The following NPHP4 variants were observed in gnomAD, a reference collection of about 807,000 sequenced individuals.
NPHP4 encodes nephrocystin-4.
A neutral mutation model predicts 155.8 loss-of-function variants in NPHP4; 151 were observed. That is an observed-to-expected ratio of 0.97 (90% CI 0.85 to 1.11). NPHP4 has a LOEUF of 1.11. Ranked by LOEUF, NPHP4 falls within the 50% of genes least tolerant of loss-of-function variation. The pLI, the probability that NPHP4 is intolerant of heterozygous loss-of-function variation, is 0.00. For synonymous variants in NPHP4, 845 were observed against 816.8 expected, an observed-to-expected ratio of 1.03 and a Z score of -0.59; for missense variants, 1,956 against 1,925.7, an observed-to-expected ratio of 1.02 and a Z score of -0.29.
chr1:5,920,533 G>A (rs182436938), intron 11 of NPHP4, among the ~76,000 whole-genome samples: 1 of 152,140 alleles, frequency 6.6e-6, no homozygotes, highest in Non-Finnish European at 1.5e-5. Context: ...CACAATGGCA[G>A]TGGCATGGGG....
rs201605415 is a variant in NPHP4, at chr1:5,867,767, G to A, written c.3445C>T (p.Arg1149Cys). ...PELSFLKKAI[R>C]LPPWHTFPGA... ...GGAAATGTGTGCCAGGGCGGCAGGC[G>A]GATGGCCTTCTTCAGGAAGGAGAGC... is the stretch of plus-strand genomic sequence containing the variant. Residue 1149 changes from arginine to cysteine, a missense_variant, in exon 24 of 30, where the codon CGC becomes TGC. Coordinates refer to ENST00000378156, the MANE Select transcript of NPHP4 (RefSeq NM_015102.5). The surrounding 1 kb of genome is among the most constrained non-coding windows in gnomAD (Gnocchi z 4.1). The A allele has an allele frequency of 5.2e-5, 84 of 1,611,416 alleles. No individual in the cohort carries two copies. The highest frequency in any genetic ancestry group is 9.9e-5 in the South Asian group (9 of 91,086).
In NPHP4 at chr1:5,864,474, T is replaced by C. The variant is rs1485138465; in HGVS notation, c.3860A>G (p.Gln1287Arg). 6.2e-7 allele frequency: 1 copy of C among 1,601,014 alleles called. No individual in the cohort carries two copies. The highest frequency in any genetic ancestry group is 8.5e-7 in the Non-Finnish European group (1 of 1,173,582). ...GVFVLPPRGV[Q>R]DLHVGVRPLR... ...GGGCCTCACGCCAACATGCAGGTCC[T>C]GCACCCCACGAGGCGGCAGCACGAA... is the stretch of plus-strand genomic sequence containing the variant. Residue 1287 changes from glutamine (Q) to arginine (R), a missense_variant, in exon 28 of 30, where the codon CAG becomes CGG. Gln to Arg is a conservative substitution (Grantham distance 43, BLOSUM62 1). Transcript: ENST00000378156.
intron 9 of NPHP4, among the ~76,000 whole-genome samples, chr1:5,941,288 A>AC (rs1178982765): frequency 7.4e-6 from 1 of 135,824 alleles, no homozygotes; most frequent in Non-Finnish European, 1.6e-5. Context: ...AGAGATCTAG[A>AC]CAAAAAAAAA....
rs375727862 is a variant in NPHP4, at chr1:5,889,886, C to G, written c.2304+982G>C. 2.4e-4 allele frequency among the ~76,000 whole-genome samples: 37 copies of G among 152,350 alleles called. No individual in the cohort carries two copies. In the East Asian group the frequency reaches 7.1e-3, roughly 29 times the overall value. ...AACGTTCTGTGCACAGCCCACCACC[C>G]TGGGGGGCATCCCCCTCCTCTAGAA... is the stretch of plus-strand genomic sequence containing the variant. On this transcript the variant is annotated intron_variant, in intron 17 of 29. Coordinates refer to ENST00000378156, the MANE Select transcript of NPHP4 (RefSeq NM_015102.5). The surrounding 1 kb of genome is among the most constrained non-coding windows in gnomAD (Gnocchi z 4.2).
At chr1:5,914,267 A>AAAAAAAG (rs1385872180) in intron 11 of NPHP4, among the ~76,000 whole-genome samples, 14 of 134,614 alleles carry the variant, frequency 1.0e-4, no homozygotes, top group African/African-American at 4.2e-4. Flanking sequence ...CAAAAAAAAA[A>AAAAAAAG]AAAAAAAAAA....
intron 17 of NPHP4, chr1:5,888,216 G>T: frequency 1.9e-6 from 1 of 537,850 alleles, no homozygotes; most frequent in Non-Finnish European, 2.4e-6. Context: ...GGGCTCTTCT[G>T]CTGATCAGAT....
chr1:5,922,891 AG>A lies in NPHP4; in HGVS notation c.1441+4757del, dbSNP rs563943267. Among the ~76,000 whole-genome samples, 509 of 152,116 alleles carry A rather than the reference AG, an allele frequency of 3.3e-3. 1 individual carries two copies. Among genetic ancestry groups the A allele is most frequent in the African/African-American group, 0.011 (469 of 41,444 alleles). On this transcript the variant is annotated intron_variant, in intron 11 of 29. Transcript: ENST00000378156. ...GCACTCCCTGTAGTCCTGGCTACTC[AG>A]GAGGCTGAGGCGGGTGGATTGCTTG... is the stretch of plus-strand genomic sequence containing the variant.
chr1:5,880,754 C>A, intron 18 of NPHP4: 1 of 163,920 alleles, frequency 6.1e-6, no homozygotes, highest in Non-Finnish European at 1.3e-5. Context: ...TCGGGACAAG[C>A]GTGTCTCACG....
chr1:5,950,903 T>G (rs997823209), intron 7 of NPHP4, among the ~76,000 whole-genome samples: 4 of 152,182 alleles, frequency 2.6e-5, no homozygotes, highest in Admixed American at 6.5e-5. Context: ...TAAATCCTGG[T>G]GCCCTCACAC....
At chr1:5,937,685 G>A (rs1460386238) in intron 9 of NPHP4, among the ~76,000 whole-genome samples, 1 of 152,156 alleles carries the variant, frequency 6.6e-6, no homozygotes, top group Non-Finnish European at 1.5e-5. Context: ...TATCCAGATA[G>A]AGAGCTGGGC....
intron 2 of NPHP4, among the ~76,000 whole-genome samples, chr1:5,984,362 G>A (rs1348904099): frequency 6.6e-5 from 10 of 151,852 alleles, no homozygotes; most frequent in South Asian, 2.1e-4. Flanking sequence ...GTGAAACCCC[G>A]ACTCTACCAA....
intron 11 of NPHP4, among the ~76,000 whole-genome samples, chr1:5,914,022 C>T (rs1026785416): frequency 6.6e-6 from 1 of 152,092 alleles, no homozygotes; most frequent in African/African-American, 2.4e-5. Context: ...CTTCATCACG[C>T]ACGCGGGCCA....
Position 5,864,374 on chromosome 1 carries a change from G to A in NPHP4, c.3960C>T (p.Leu1320=), listed in dbSNP as rs778306754. The A allele has an allele frequency of 1.1e-4, 171 of 1,609,850 alleles. No homozygotes were observed. The highest frequency in any genetic ancestry group is 1.3e-4 in the Non-Finnish European group (158 of 1,178,236). The change falls in exon 28 of 30, where the codon CTC becomes CTT. Residue 1320 remains leucine, a synonymous_variant. Coordinates refer to ENST00000378156, the MANE Select transcript of NPHP4 (RefSeq NM_015102.5). Reference sequence around the variant, plus strand: ...GCGGCTGGCGGCAGCAGAGGCACACGAGCCAGGAGGCCACCAGCTGGTGGC... The same window carrying A: ...GCGGCTGGCGGCAGCAGAGGCACACAAGCCAGGAGGCCACCAGCTGGTGGC... ...VDCHQLVASW[L]VCLCCRQPLI...
Position 5,864,357 on chromosome 1 carries a change from C to G in NPHP4, c.3977G>C (p.Arg1326Pro), listed in dbSNP as rs191062831. 1.2e-6 allele frequency: 2 copies of G among 1,607,022 alleles called. No homozygotes were observed. The highest frequency in any genetic ancestry group is 1.7e-6 in the Non-Finnish European group (2 of 1,176,620). Residue 1326 changes from arginine (R) to proline (P), a missense_variant, in exon 28 of 30, where the codon CGC becomes CCC. By Grantham distance (103) the Arg-to-Pro change is moderately radical. Coordinates refer to ENST00000378156, the MANE Select transcript of NPHP4 (RefSeq NM_015102.5). ...VASWLVCLCC[R>P]QPLISKAFEI... ...ACAGACCTTGGAGATGAGCGGCTGG[C>G]GGCAGCAGAGGCACACGAGCCAGGA...
chr1:5,967,321 C>T lies in NPHP4; in HGVS notation c.495G>A (p.Pro165=), dbSNP rs767988061. The change falls in exon 5 of 30, where the codon CCG becomes CCA. Residue 165 remains proline, a synonymous_variant. Transcript: ENST00000378156. The part of the protein sequence containing the change: ...YHGTPRALLH[P]LLQDPAEQNR... ...TACGCTCTGCGGGGTCCTGGAGAAG[C>T]GGGTGCAGGAGGGCTCTGGGGGTGC... 4.4e-6 allele frequency: 7 copies of T among 1,606,956 alleles called. No homozygotes were observed. The highest frequency in any genetic ancestry group is 2.2e-5 in the East Asian group (1 of 44,644).
At chr1:5,896,697 C>T (rs1214818342) in intron 16 of NPHP4, among the ~76,000 whole-genome samples, 2 of 152,134 alleles carry the variant, frequency 1.3e-5, no homozygotes, top group South Asian at 2.1e-4. Flanking sequence ...GGTTTTGAAG[C>T]AAGAAGACCC....
intron 10 of NPHP4, among the ~76,000 whole-genome samples, chr1:5,928,944 T>C (rs1353504862): frequency 6.6e-6 from 1 of 152,216 alleles, no homozygotes; most frequent in Non-Finnish European, 1.5e-5. Flanking sequence ...TAGGTCTTCT[T>C]TGATTTCACC....
At chr1:5,926,064 T>C (rs1407638044) in intron 11 of NPHP4, among the ~76,000 whole-genome samples, 1 of 152,232 alleles carries the variant, frequency 6.6e-6, no homozygotes, top group Non-Finnish European at 1.5e-5. Context: ...CATGCATGCC[T>C]ACCACCCACC....
In NPHP4 at chr1:5,890,865, T is replaced by C. The variant is rs1644087935; in HGVS notation, c.2304+3A>G. 1.9e-6 allele frequency: 3 copies of C among 1,607,212 alleles called. No individual in the cohort carries two copies. The highest frequency in any genetic ancestry group is 2.6e-6 in the Non-Finnish European group (3 of 1,175,706). On this transcript the variant is annotated splice_donor_region_variant and intron_variant, in intron 17 of 29. Transcript: ENST00000378156. This position sits in a 1 kb window ranked among gnomAD's most constrained non-coding sequence, Gnocchi z 4.9. ...TGTGCCTGTCCTTCCAGAGAGCCGC[T>C]ACCTTCATCTGGACGGCAGCAGATC...
Sources: allele counts gnomAD v4.1 joint callset (sites outside exome capture counted in the v4.1 genomes callset), GRCh38; gene constraint gnomAD v4.1.1; non-coding constraint Gnocchi (gnomAD v3.1); transcripts MANE v1.5; gene names NCBI Gene and HGNC (gene_info 2026-07-23, HGNC 2026-07-21).